The following BNC2 variants were observed in gnomAD, a reference collection of about 807,000 sequenced individuals.
The protein encoded by BNC2 is zinc finger protein basonuclin-2.
In BNC2, 20 loss-of-function variants were observed where a neutral mutation model predicts 76.3. That is an observed-to-expected ratio of 0.26 (90% CI 0.18 to 0.38). The LOEUF (loss-of-function observed/expected upper bound fraction) is 0.38. Among genes scored for constraint, BNC2 ranks in the 10% least tolerant of loss-of-function variants. The pLI is 1.00. For synonymous variants in BNC2, 582 were observed against 514.8 expected (o/e 1.13, Z -1.77); for missense variants, 1,382 against 1,399.8 (o/e 0.99, Z 0.20).
chr9:16,629,704 C>T (rs1225126535), intron 3 of BNC2, among the ~76,000 whole-genome samples: 1 of 151,928 alleles, frequency 6.6e-6, no homozygotes, highest in Non-Finnish European at 1.5e-5. Flanking sequence ...TTTGTTTATT[C>T]GATGCTGTAG....
intron 3 of BNC2, among the ~76,000 whole-genome samples, chr9:16,601,080 C>T (rs768124429): frequency 3.1e-4 from 47 of 152,146 alleles, no homozygotes; most frequent in Non-Finnish European, 5.4e-4. Flanking sequence ...AAACAAGGTT[C>T]CACAGCACAA....
intron 3 of BNC2, among the ~76,000 whole-genome samples, chr9:16,654,377 C>T (rs1181022498): frequency 2.6e-5 from 4 of 152,106 alleles, no homozygotes; most frequent in South Asian, 2.1e-4. Context: ...TTAAAATGTA[C>T]GTAAGTTGTG....
intron 4 of BNC2, among the ~76,000 whole-genome samples, chr9:16,569,243 A>G (rs1054939174): frequency 6.6e-6 from 1 of 151,330 alleles, no homozygotes; most frequent in African/African-American, 2.4e-5. Context: ...TTTTTTTCTC[A>G]TCTCTTAATA....
chr9:16,819,621 C>T (rs1026383524), intron 1 of BNC2, among the ~76,000 whole-genome samples: 2 of 152,008 alleles, frequency 1.3e-5, no homozygotes, highest in South Asian at 2.1e-4. Context: ...CATGCCACTG[C>T]ACTCCAGACT....
chr9:16,558,943 A>G (rs949818366), intron 4 of BNC2, among the ~76,000 whole-genome samples: 1 of 152,170 alleles, frequency 6.6e-6, no homozygotes, highest in African/African-American at 2.4e-5. Flanking sequence ...CAAAAAAAAA[A>G]AAAAAAAAGT....
intron 1 of BNC2, among the ~76,000 whole-genome samples, chr9:16,818,455 A>C (rs1380000921): frequency 1.3e-5 from 2 of 152,172 alleles, no homozygotes; most frequent in African/African-American, 2.4e-5. Context: ...ACCGGTTTGG[A>C]AGTTTAAAGA....
At chr9:16,811,493 G>A (rs566948067) in intron 1 of BNC2, among the ~76,000 whole-genome samples, 7 of 144,114 alleles carry the variant, frequency 4.9e-5, no homozygotes, top group East Asian at 4.0e-4. Context: ...CGGAGGTTGC[G>A]GTGAGCCGAG....
intron 5 of BNC2, among the ~76,000 whole-genome samples, chr9:16,512,904 G>C (rs1822792435): frequency 8.3e-6 from 1 of 121,074 alleles, no homozygotes. Flanking sequence ...GGGAGGCTGA[G>C]GGGGGAAGAT....
intron 4 of BNC2, among the ~76,000 whole-genome samples, chr9:16,561,782 T>C (rs1335983157): frequency 6.6e-6 from 1 of 152,038 alleles, no homozygotes; most frequent in Non-Finnish European, 1.5e-5. Context: ...GCCAGGTGGA[T>C]TGTTTGAGCC....
At chr9:16,502,155 G>T (rs1340624447) in intron 5 of BNC2, among the ~76,000 whole-genome samples, 5 of 152,074 alleles carry the variant, frequency 3.3e-5, no homozygotes, top group Non-Finnish European at 2.9e-5. Flanking sequence ...TTGAGGGTAG[G>T]AGTTTGAGAC....
chr9:16,777,069 T>G (rs13297677), intron 1 of BNC2, among the ~76,000 whole-genome samples: 50,853 of 151,878 alleles, frequency 0.33, 10,235 homozygotes, highest in East Asian at 0.81. Flanking sequence ...GAGGTTGCAG[T>G]GAGCCGAGAT....
chr9:16,796,633 G>GGGAAA (rs371867102), intron 1 of BNC2, among the ~76,000 whole-genome samples: 2 of 144,812 alleles, frequency 1.4e-5, no homozygotes, highest in South Asian at 2.4e-4. Flanking sequence ...GGAAGGGAAA[G>GGGAAA]GGAAAGGAAA....
At chr9:16,692,060 C>T (rs1288914539) in intron 3 of BNC2, among the ~76,000 whole-genome samples, 2 of 152,144 alleles carry the variant, frequency 1.3e-5, no homozygotes, top group Non-Finnish European at 2.9e-5. Flanking sequence ...ATCTGCCCAC[C>T]TTGGCCTCCC....
intron 5 of BNC2, among the ~76,000 whole-genome samples, chr9:16,457,380 A>T (rs1821475743): frequency 6.6e-6 from 1 of 152,176 alleles, no homozygotes; most frequent in African/African-American, 2.4e-5. Flanking sequence ...CGAGACTCAC[A>T]GGACTCAGCA....
intron 1 of BNC2, among the ~76,000 whole-genome samples, chr9:16,821,539 G>A (rs1818329831): frequency 6.6e-6 from 1 of 152,170 alleles, no homozygotes; most frequent in South Asian, 2.1e-4. Context: ...AACATGCCCT[G>A]GCAGTCAGTG....
rs1278704519 is a variant in BNC2 at position 16,498,929 on chromosome 9, A to C, written c.669+53601T>G. 2.6e-5 allele frequency among the ~76,000 whole-genome samples: 4 copies of C among 152,310 alleles called. No homozygotes were observed. In the East Asian group the frequency reaches 5.8e-4, roughly 22 times the overall value. On this transcript the variant is annotated intron_variant, in intron 5 of 6. Coordinates refer to ENST00000380672, the MANE Select transcript of BNC2 (RefSeq NM_017637.6). ...GGGCTACTGGATATCAAATAGTAGAATAATGTGAATACAAACAACAGAAAC... is the reference window on the plus strand; with the variant it reads ...GGGCTACTGGATATCAAATAGTAGACTAATGTGAATACAAACAACAGAAAC...
chr9:16,780,219 G>C (rs540875586), intron 1 of BNC2, among the ~76,000 whole-genome samples: 2 of 111,256 alleles, frequency 1.8e-5, no homozygotes, highest in Non-Finnish European at 3.4e-5. Flanking sequence ...CTGGGTGACA[G>C]AGCAAGACTT....
chr9:16,773,307 T>C (rs1403818058), intron 1 of BNC2, among the ~76,000 whole-genome samples: 1 of 152,060 alleles, frequency 6.6e-6, no homozygotes, highest in Non-Finnish European at 1.5e-5. Context: ...AATGAAAGGA[T>C]TTAGGTTAAA....
intron 3 of BNC2, among the ~76,000 whole-genome samples, chr9:16,623,605 A>T (rs1462771959): frequency 6.6e-6 from 1 of 152,222 alleles, no homozygotes; most frequent in African/African-American, 2.4e-5. Flanking sequence ...GATTTTAAGG[A>T]TCTAACTTAC....
Sources: gnomAD v4.1 joint callset for allele counts (sites outside exome capture counted in the v4.1 genomes callset) on GRCh38, gnomAD v4.1.1 for gene constraint, MANE v1.5 for transcripts, NCBI Gene and HGNC (gene_info 2026-07-23, HGNC 2026-07-21) for gene names.